Variants in AGAP1 observed in about 807,000 individuals in gnomAD.
The protein encoded by AGAP1 is arf-GAP with GTPase, ANK repeat and PH domain-containing protein 1.
In AGAP1, 29 loss-of-function variants were observed where a neutral mutation model predicts 105.3. The observed-to-expected ratio is 0.28, with a 90% CI of 0.21 to 0.38. The LOEUF (loss-of-function observed/expected upper bound fraction) is 0.38, where lower values mean the gene tolerates loss of function less well. Ranked by LOEUF, AGAP1 falls within the 10% of genes least tolerant of loss-of-function variation. The probability of loss-of-function intolerance (pLI) is 1.00; values close to 1 mark genes in which losing one functional copy is unlikely to be tolerated. For missense variants in AGAP1, 998 were observed against 1,165.1 expected (o/e 0.86, Z 2.09); for synonymous variants, 509 against 485.9 (o/e 1.05, Z -0.63).
Position 235,789,819 on chromosome 2 carries a change from C to T in AGAP1, c.674-7940C>T, listed in dbSNP as rs1284264200. On this transcript the variant is annotated intron_variant, in intron 6 of 17. Coordinates refer to ENST00000304032, the MANE Select transcript of AGAP1 (RefSeq NM_001037131.3). This position sits in a 1 kb window ranked among gnomAD's most constrained non-coding sequence, Gnocchi z 4.2. Reference sequence around the variant, plus strand: ...AGCAGTTGAATCTTGGCCACAGCTTCTCATTAGGCTTTCAGTGACAAGGAA... The same window carrying T: ...AGCAGTTGAATCTTGGCCACAGCTTTTCATTAGGCTTTCAGTGACAAGGAA... 1.3e-5 allele frequency among the ~76,000 whole-genome samples: 2 copies of T among 152,164 alleles called. No individual in the cohort carries two copies. Among genetic ancestry groups the T allele is most frequent in the Non-Finnish European group, 2.9e-5 (2 of 68,042 alleles).
Position 236,046,694 on chromosome 2 carries a change from T to C in AGAP1, c.1892-2365T>C, listed in dbSNP as rs1210368952. On this transcript the variant is annotated intron_variant, in intron 15 of 17. Transcript: ENST00000304032. This position sits in a 1 kb window ranked among gnomAD's most constrained non-coding sequence, Gnocchi z 5.2. ...GTGGTGATTGAAGTGTGGGTTGGGT[T>C]GGCCTGAATAAGACTACACAGTCAG... 6.6e-6 allele frequency among the ~76,000 whole-genome samples: 1 copy of C among 152,144 alleles called. No individual in the cohort carries two copies. The highest frequency in any genetic ancestry group is 1.5e-5 in the Non-Finnish European group (1 of 68,028).
chr2:235,814,263 C>T (rs1325001387), intron 9 of AGAP1, among the ~76,000 whole-genome samples: 1 of 152,200 alleles, frequency 6.6e-6, no homozygotes. Context: ...CTGCCTGCCT[C>T]CCATTTCACC....
In AGAP1 at chr2:235,654,931, G is replaced by T. The variant is rs572847822; in HGVS notation, c.164-54248G>T. The stretch of plus-strand genomic sequence containing the variant: ...GCAGTATGTTTTCAATCCCTGTGTT[G>T]TCTTTGTCACCATGATTTGCATTCA... On this transcript the variant is annotated intron_variant, in intron 1 of 17. Transcript: ENST00000304032. 1.5e-4 allele frequency among the ~76,000 whole-genome samples: 23 copies of T among 152,264 alleles called. No homozygotes were observed. The East Asian group carries it at 3.7e-3, about 24-fold the overall frequency.
Position 235,750,236 on chromosome 2 carries a change from C to T in AGAP1, c.539-118C>T. 3 of 1,423,924 alleles carry T rather than the reference C, an allele frequency of 2.1e-6. No individual in the cohort carries two copies. The highest frequency in any genetic ancestry group is 2.9e-6 in the Non-Finnish European group (3 of 1,031,746). The allele number at this position is 1,423,924 out of a possible 1,614,324, so 88.2% of individuals were successfully genotyped here. A position where few individuals can be genotyped will look rare whatever the true frequency, so the allele number is the denominator to read the frequency against. On this transcript the variant is annotated intron_variant, in intron 5 of 17. Coordinates refer to ENST00000304032, the MANE Select transcript of AGAP1 (RefSeq NM_001037131.3). This position sits in a 1 kb window ranked among gnomAD's most constrained non-coding sequence, Gnocchi z 5.3. ...AAACGATGCTCTACAATTCCAGATT[C>T]ATAAACTAATTACATTTCTGCTGAG... is the stretch of plus-strand genomic sequence containing the variant.
At position 235,550,139 on chromosome 2, in the gene AGAP1, A is replaced by G. The variant is rs1943757774; in HGVS notation, c.163+55290A>G. 6.6e-6 allele frequency among the ~76,000 whole-genome samples: 1 copy of G among 152,188 alleles called. No homozygotes were observed. Among genetic ancestry groups the G allele is most frequent in the South Asian group, 2.1e-4 (1 of 4,830 alleles). On this transcript the variant is annotated intron_variant, in intron 1 of 17. Transcript: ENST00000304032. This position sits in a 1 kb window ranked among gnomAD's most constrained non-coding sequence, Gnocchi z 4.6. The stretch of plus-strand genomic sequence containing the variant: ...AGTAGACCCTGAGTGGGGCAGAACC[A>G]TCATCCTGCGTGCAGCCTGCACACT...
chr2:235,561,628 T>A (rs983787164), intron 1 of AGAP1, among the ~76,000 whole-genome samples: 1 of 152,224 alleles, frequency 6.6e-6, no homozygotes, highest in Admixed American at 6.5e-5. Flanking sequence ...CTTATTGCTG[T>A]CTGCCTAGCT....
In AGAP1 at chr2:235,776,772, C is replaced by T. The variant is rs550043417; in HGVS notation, c.674-20987C>T. The stretch of plus-strand genomic sequence containing the variant: ...ACTCCAGGCACTGCAAGCTCGCACC[C>T]TTTCCTTAGCCTCAAAGCCTTGCTC... On this transcript the variant is annotated intron_variant, in intron 6 of 17. Transcript: ENST00000304032. 2.6e-5 allele frequency among the ~76,000 whole-genome samples: 4 copies of T among 152,322 alleles called. 1 individual carries two copies. In the East Asian group the frequency reaches 7.8e-4, roughly 30 times the overall value.
Position 235,960,556 on chromosome 2 carries a change from A to G in AGAP1, c.1484-7906A>G, listed in dbSNP as rs562064451. 2.8e-3 allele frequency among the ~76,000 whole-genome samples: 433 copies of G among 152,114 alleles called. 1 individual carries two copies. Among genetic ancestry groups the G allele is most frequent in the African/African-American group, 9.8e-3 (407 of 41,496 alleles). On this transcript the variant is annotated intron_variant, in intron 12 of 17. Coordinates refer to ENST00000304032, the MANE Select transcript of AGAP1 (RefSeq NM_001037131.3). This position sits in a 1 kb window ranked among gnomAD's most constrained non-coding sequence, Gnocchi z 4.9. ...TCTTCCGTACCTCACTTCTCCCTGC[A>G]CCTGTGGCCCCTGCTATCGGCGTGC...
rs180781826 is a variant in AGAP1 at position 235,893,283 on chromosome 2, G to A, written c.1155+9834G>A. On this transcript the variant is annotated intron_variant, in intron 10 of 17. Coordinates refer to ENST00000304032, the MANE Select transcript of AGAP1 (RefSeq NM_001037131.3). The surrounding 1 kb of genome is among the most constrained non-coding windows in gnomAD (Gnocchi z 4.7). Reference sequence around the variant, plus strand: ...CATAAGGAAGCGCCGTGTCTGTAGCGTGGGTGTAGCGTGTCTGTGGCGCAG... The same window carrying A: ...CATAAGGAAGCGCCGTGTCTGTAGCATGGGTGTAGCGTGTCTGTGGCGCAG... Among the ~76,000 whole-genome samples, 687 of 151,486 alleles carry A rather than the reference G, an allele frequency of 4.5e-3. 7 individuals carry two copies. Among genetic ancestry groups the A allele is most frequent in the African/African-American group, 0.015 (629 of 41,280 alleles).
rs556214713 is a variant in AGAP1, at chr2:235,965,971, G to C, written c.1484-2491G>C. ...TTCCTCTAGGGATGGAGAGAGGGGAGTCCGTTCCTCTGGGGATGGAGAGAG... is the reference window on the plus strand; with the variant it reads ...TTCCTCTAGGGATGGAGAGAGGGGACTCCGTTCCTCTGGGGATGGAGAGAG... On this transcript the variant is annotated intron_variant, in intron 12 of 17. Transcript: ENST00000304032. The surrounding 1 kb of genome is among the most constrained non-coding windows in gnomAD (Gnocchi z 5.8). 5.3e-5 allele frequency among the ~76,000 whole-genome samples: 8 copies of C among 151,944 alleles called. No homozygotes were observed. The highest frequency in any genetic ancestry group is 7.4e-5 in the Non-Finnish European group (5 of 67,950).
chr2:235,525,045 C>T (rs925810496), intron 1 of AGAP1, among the ~76,000 whole-genome samples: 3 of 152,162 alleles, frequency 2.0e-5, no homozygotes, highest in East Asian at 1.9e-4. Context: ...AAATTTCTTA[C>T]GGTTAGTACA....
In AGAP1 at chr2:235,977,097, G is replaced by A. The variant is rs2054893858; in HGVS notation, c.1645+8474G>A. 6.6e-6 allele frequency among the ~76,000 whole-genome samples: 1 copy of A among 152,160 alleles called. No homozygotes were observed. Among genetic ancestry groups the A allele is most frequent in the African/African-American group, 2.4e-5 (1 of 41,426 alleles). ...CTTAGAGATTCTCTTCTGCGAGTGG[G>A]GCTCGGTTAGCACAAGCTGCTCACA... is the stretch of plus-strand genomic sequence containing the variant. On this transcript the variant is annotated intron_variant, in intron 13 of 17. Coordinates refer to ENST00000304032, the MANE Select transcript of AGAP1 (RefSeq NM_001037131.3). This position sits in a 1 kb window ranked among gnomAD's most constrained non-coding sequence, Gnocchi z 5.2.
At chr2:235,499,914 A>AG (rs1941491529) in intron 1 of AGAP1, among the ~76,000 whole-genome samples, 1 of 152,166 alleles carries the variant, frequency 6.6e-6, no homozygotes, top group South Asian at 2.1e-4. Context: ...GACTTGCCAG[A>AG]GGGTCCTTTC....
At chr2:235,671,289 C>G (rs1948408988) in intron 1 of AGAP1, among the ~76,000 whole-genome samples, 1 of 152,198 alleles carries the variant, frequency 6.6e-6, no homozygotes. Context: ...CCACCTTCAT[C>G]AAGGAGAGCT....
chr2:235,529,918 A>G (rs1942984853), intron 1 of AGAP1, among the ~76,000 whole-genome samples: 1 of 152,088 alleles, frequency 6.6e-6, no homozygotes. Flanking sequence ...TTCAACAACT[A>G]CCTGTCCTCT....
chr2:236,066,693 T>C (rs181192369), intron 16 of AGAP1, among the ~76,000 whole-genome samples: 33 of 152,364 alleles, frequency 2.2e-4, no homozygotes, highest in African/African-American at 7.9e-4. Flanking sequence ...ATAATTTGCA[T>C]ACTGCATTAC....
intron 1 of AGAP1, among the ~76,000 whole-genome samples, chr2:235,644,248 AT>A (rs768136144): frequency 3.9e-5 from 6 of 152,144 alleles, no homozygotes; most frequent in Non-Finnish European, 5.9e-5. Context: ...GAACAGTTAG[AT>A]TTCTTCCTGA....
rs1018621302 is a variant in AGAP1, at chr2:235,789,485, A to T, written c.674-8274A>T. Among the ~76,000 whole-genome samples, 1 of 152,220 alleles carries T rather than the reference A, an allele frequency of 6.6e-6. No individual in the cohort carries two copies. The highest frequency in any genetic ancestry group is 1.5e-5 in the Non-Finnish European group (1 of 68,042). On this transcript the variant is annotated intron_variant, in intron 6 of 17. Coordinates refer to ENST00000304032, the MANE Select transcript of AGAP1 (RefSeq NM_001037131.3). The surrounding 1 kb of genome is among the most constrained non-coding windows in gnomAD (Gnocchi z 4.2). ...GTTTTAATACAACGAGATAAAAAGAATACAGACAAGAACTGAATTTCAGAT... is the reference window on the plus strand; with the variant it reads ...GTTTTAATACAACGAGATAAAAAGATTACAGACAAGAACTGAATTTCAGAT...
chr2:235,658,402 TC>T (rs892265413), intron 1 of AGAP1, among the ~76,000 whole-genome samples: 1 of 152,222 alleles, frequency 6.6e-6, no homozygotes, highest in Non-Finnish European at 1.5e-5. Flanking sequence ...TCTAATTCTA[TC>T]CAGAATGCTT....
Sources: allele counts gnomAD v4.1 joint callset (sites outside exome capture counted in the v4.1 genomes callset), GRCh38; gene constraint gnomAD v4.1.1; non-coding constraint Gnocchi (gnomAD v3.1); transcripts MANE v1.5; gene names NCBI Gene and HGNC (gene_info 2026-07-23, HGNC 2026-07-21).